DNMT3B: variants seen among roughly 807,000 people sequenced by gnomAD.
DNMT3B encodes DNA (cytosine-5)-methyltransferase 3B.
In DNMT3B, 37 loss-of-function variants were observed where a neutral mutation model predicts 120.2. That is an observed-to-expected ratio of 0.31 (90% CI 0.24 to 0.40). The LOEUF is 0.40. Ranked by LOEUF, DNMT3B falls within the 10% of genes least tolerant of loss-of-function variation. The pLI, the probability that DNMT3B is intolerant of heterozygous loss-of-function variation, is 1.00. For synonymous variants in DNMT3B, 412 were observed against 442.8 expected (o/e 0.93, Z 0.87); for missense variants, 878 against 1,137.3 (o/e 0.77, Z 3.28).
intron 1 of DNMT3B, among the ~76,000 whole-genome samples, chr20:32,770,200 C>T (rs1012787954): frequency 8.5e-5 from 13 of 152,256 alleles, no homozygotes; most frequent in African/African-American, 3.1e-4. Flanking sequence ...GCAACCTCCA[C>T]CTCCTGGGTT....
chr20:32,808,141 C>A lies in DNMT3B; in HGVS notation c.*238C>A. ...GCTTGGAGCAGCCTAACACGGTGCTCATTTTTTCTTCTCCTAAAACTTTAA... is the reference window on the plus strand; with the variant it reads ...GCTTGGAGCAGCCTAACACGGTGCTAATTTTTTCTTCTCCTAAAACTTTAA... On this transcript the variant is annotated 3_prime_UTR_variant, in exon 23 of 23. Transcript: ENST00000328111. 3.4e-6 allele frequency: 2 copies of A among 590,598 alleles called. No individual in the cohort carries two copies. Among genetic ancestry groups the A allele is most frequent in the East Asian group, 3.1e-5 (1 of 32,358 alleles). 36.6% of individuals were successfully genotyped at this position (590,598 alleles called of 1,614,324 possible).
Position 32,791,786 on chromosome 20 carries a change from T to C in DNMT3B, c.921+78T>C, listed in dbSNP as rs145420030. Reference sequence around the variant, plus strand: ...AGAGACCCACAGAAACCTAGCTCAGTGTTGCCAAGGGTGGTTTGGAGGGGA... The same window carrying C: ...AGAGACCCACAGAAACCTAGCTCAGCGTTGCCAAGGGTGGTTTGGAGGGGA... On this transcript the variant is annotated intron_variant, in intron 8 of 22. Transcript: ENST00000328111. 5.0e-4 allele frequency: 774 copies of C among 1,535,600 alleles called. 5 individuals carry two copies. In the African/African-American group the frequency reaches 9.1e-3, roughly 18 times the overall value.
At chr20:32,805,096 G>GA (rs1375609517) in intron 20 of DNMT3B, among the ~76,000 whole-genome samples, 1 of 152,182 alleles carries the variant, frequency 6.6e-6, no homozygotes, top group Non-Finnish European at 1.5e-5. Context: ...TGCTCAATGG[G>GA]AACCTGACTT....
At chr20:32,766,728 C>A (rs921627542) in intron 1 of DNMT3B, among the ~76,000 whole-genome samples, 1 of 151,848 alleles carries the variant, frequency 6.6e-6, no homozygotes, top group African/African-American at 2.4e-5. Flanking sequence ...GCTGAGACTA[C>A]AGGCATGCAC....
chr20:32,775,798 C>G (rs1988037728), intron 1 of DNMT3B, among the ~76,000 whole-genome samples: 1 of 152,256 alleles, frequency 6.6e-6, no homozygotes, highest in South Asian at 2.1e-4. Context: ...TCTGTCTTGT[C>G]TCAGTTACGG....
chr20:32,788,040 T>C (rs1979537220), intron 6 of DNMT3B, among the ~76,000 whole-genome samples: 1 of 152,212 alleles, frequency 6.6e-6, no homozygotes, highest in Non-Finnish European at 1.5e-5. Context: ...CGGCCATTTA[T>C]ACTTCTTTTA....
chr20:32,805,959 C>G (rs952720372), intron 21 of DNMT3B, among the ~76,000 whole-genome samples: 2 of 152,094 alleles, frequency 1.3e-5, no homozygotes, highest in East Asian at 3.9e-4. Context: ...TTCCTGTTAA[C>G]GTCTTGGCAT....
At chr20:32,800,633 A>G (rs950225738) in intron 17 of DNMT3B, among the ~76,000 whole-genome samples, 1 of 151,948 alleles carries the variant, frequency 6.6e-6, no homozygotes, top group Non-Finnish European at 1.5e-5. Flanking sequence ...TAATTTTTAT[A>G]TTTCTAGTAG....
chr20:32,794,470 T>A (rs1220693257), intron 10 of DNMT3B, among the ~76,000 whole-genome samples: 1 of 151,602 alleles, frequency 6.6e-6, no homozygotes, highest in Admixed American at 6.6e-5. Context: ...TCCCTTGTGG[T>A]CGGGAGTTCA....
chr20:32,808,028 T>C lies in DNMT3B; in HGVS notation c.*125T>C. ...TGTGGGTCATACCGTGTACCTCAGT[T>C]CCCTCTTGCTCAGTGGGGGCAGAGC... On this transcript the variant is annotated 3_prime_UTR_variant, in exon 23 of 23. Transcript: ENST00000328111. 1 of 1,531,126 alleles carries C rather than the reference T, an allele frequency of 6.5e-7. No individual in the cohort carries two copies. Among genetic ancestry groups the C allele is most frequent in the African/African-American group, 1.4e-5 (1 of 72,982 alleles). The allele number at this position is 1,531,126 out of a possible 1,614,324, so 94.8% of individuals were successfully genotyped here. A position where few individuals can be genotyped will look rare whatever the true frequency, so the allele number is the denominator to read the frequency against.
chr20:32,805,839 CTT>C (rs772244553), intron 21 of DNMT3B, among the ~76,000 whole-genome samples: 2 of 151,750 alleles, frequency 1.3e-5, no homozygotes, highest in African/African-American at 2.4e-5. Context: ...GTGGTTTTTA[CTT>C]TTTTACTTAA....
chr20:32,808,118 T>C lies in DNMT3B; in HGVS notation c.*215T>C. On this transcript the variant is annotated 3_prime_UTR_variant, in exon 23 of 23. Transcript: ENST00000328111. ...TTGTGCACAAATCAGACCTGGCTGCTTGGAGCAGCCTAACACGGTGCTCAT... is the reference window on the plus strand; with the variant it reads ...TTGTGCACAAATCAGACCTGGCTGCCTGGAGCAGCCTAACACGGTGCTCAT... 1 of 722,832 alleles carries C rather than the reference T, an allele frequency of 1.4e-6. No individual in the cohort carries two copies. Among genetic ancestry groups the C allele is most frequent in the Non-Finnish European group, 2.2e-6 (1 of 448,098 alleles). The allele number at this position is 722,832 out of a possible 1,614,324, so 44.8% of individuals were successfully genotyped here. A position where few individuals can be genotyped will look rare whatever the true frequency, so the allele number is the denominator to read the frequency against.
At chr20:32,772,310 T>C (rs1987790114) in intron 1 of DNMT3B, among the ~76,000 whole-genome samples, 1 of 152,200 alleles carries the variant, frequency 6.6e-6, no homozygotes, top group Non-Finnish European at 1.5e-5. Flanking sequence ...CCAGTATCCC[T>C]GCTGTGTAGG....
intron 10 of DNMT3B, among the ~76,000 whole-genome samples, chr20:32,795,135 A>T (rs1980451986): frequency 6.6e-6 from 1 of 152,224 alleles, no homozygotes; most frequent in African/African-American, 2.4e-5. Context: ...TTTAGCTTTG[A>T]ATCGAGCTTT....
At chr20:32,790,852 T>C (rs1444476245) in intron 7 of DNMT3B, among the ~76,000 whole-genome samples, 7 of 152,092 alleles carry the variant, frequency 4.6e-5, no homozygotes, top group African/African-American at 1.4e-4. Context: ...TTTGTAGAGA[T>C]GGGGTCTTGC....
At chr20:32,781,774 T>G (rs1978652485) in intron 3 of DNMT3B, among the ~76,000 whole-genome samples, 1 of 152,262 alleles carries the variant, frequency 6.6e-6, no homozygotes, top group Admixed American at 6.5e-5. Context: ...AATCTTGCAC[T>G]GTCCTGCTCC....
chr20:32,790,193 C>A (rs1384350792), intron 7 of DNMT3B, among the ~76,000 whole-genome samples: 1 of 152,096 alleles, frequency 6.6e-6, no homozygotes, highest in Non-Finnish European at 1.5e-5. Flanking sequence ...GTAGGAGAGC[C>A]CCTGCATGCA....
At chr20:32,773,705 G>A (rs748660024) in intron 1 of DNMT3B, among the ~76,000 whole-genome samples, 3 of 151,246 alleles carry the variant, frequency 2.0e-5, no homozygotes, top group African/African-American at 4.9e-5. Flanking sequence ...CTCAACTTCC[G>A]AGGCTTAGGT....
At chr20:32,763,819 C>T (rs1210053180) in intron 1 of DNMT3B, among the ~76,000 whole-genome samples, 1 of 152,130 alleles carries the variant, frequency 6.6e-6, no homozygotes, top group Admixed American at 6.6e-5. Context: ...GTGTTTCCAC[C>T]CTCCCCCGAA....
Sources: gnomAD v4.1 joint callset for allele counts (sites outside exome capture counted in the v4.1 genomes callset) on GRCh38, gnomAD v4.1.1 for gene constraint, MANE v1.5 for transcripts, NCBI Gene and HGNC (gene_info 2026-07-23, HGNC 2026-07-21) for gene names.